Variants in ABTB3 observed in about 807,000 individuals in gnomAD.
ABTB3 encodes the protein ankyrin repeat and BTB domain containing 3.
chr12:107,323,826 T>G, the ABTB3 span, among the ~76,000 whole-genome samples: 3 of 152,198 alleles, frequency 2.0e-5, no homozygotes, highest in African/African-American at 7.2e-5. Flanking sequence ...CTCAGCACAG[T>G]GCCTGGCACT....
At chr12:107,479,337 G>A in the ABTB3 span, among the ~76,000 whole-genome samples, 6 of 151,766 alleles carry the variant, frequency 4.0e-5, no homozygotes, top group Non-Finnish European at 7.4e-5. Flanking sequence ...GGGCACGAGG[G>A]TCTTTGGTAC....
At chr12:107,494,204 G>A in the ABTB3 span, among the ~76,000 whole-genome samples, 3 of 152,196 alleles carry the variant, frequency 2.0e-5, no homozygotes, top group African/African-American at 4.8e-5. Context: ...TGGATCCTGA[G>A]TCTTGGTTGG....
the ABTB3 span, among the ~76,000 whole-genome samples, chr12:107,569,742 C>T: frequency 0.097 from 14,728 of 152,206 alleles, 812 homozygotes; most frequent in Middle Eastern, 0.12. Context: ...TGTCAGAAAA[C>T]GCAAATAGCT....
the ABTB3 span, among the ~76,000 whole-genome samples, chr12:107,590,591 G>A: frequency 1.3e-5 from 2 of 152,242 alleles, no homozygotes; most frequent in Non-Finnish European, 2.9e-5. Context: ...GTTCCAACAG[G>A]CTGGTGTGGG....
chr12:107,418,803 GT>G, the ABTB3 span, among the ~76,000 whole-genome samples: 1 of 152,300 alleles, frequency 6.6e-6, no homozygotes, highest in East Asian at 1.9e-4. Flanking sequence ...ATTTAGAGCA[GT>G]TTTCCAACCT....
the ABTB3 span, among the ~76,000 whole-genome samples, chr12:107,438,706 T>C: frequency 6.6e-6 from 1 of 152,226 alleles, no homozygotes; most frequent in African/African-American, 2.4e-5. Flanking sequence ...TCTCAGGTTC[T>C]TGGAGCCATT....
At chr12:107,638,690 T>C in the ABTB3 span, among the ~76,000 whole-genome samples, 1 of 152,222 alleles carries the variant, frequency 6.6e-6, no homozygotes, top group Admixed American at 6.5e-5. Context: ...TATTGAGGGA[T>C]ACTTATTTGT....
chr12:107,615,962 G>C, the ABTB3 span, among the ~76,000 whole-genome samples: 2 of 152,152 alleles, frequency 1.3e-5, no homozygotes, highest in South Asian at 4.1e-4. Flanking sequence ...ATTCCATGCA[G>C]AGCAGGGACA....
chr12:107,372,732 G>A, the ABTB3 span, among the ~76,000 whole-genome samples: 8 of 152,148 alleles, frequency 5.3e-5, no homozygotes, highest in Non-Finnish European at 8.8e-5. Flanking sequence ...CAAATGTCCC[G>A]TATGTCCCTG....
chr12:107,497,901 G>A, the ABTB3 span, among the ~76,000 whole-genome samples: 47,553 of 151,938 alleles, frequency 0.31, 9,946 homozygotes, highest in African/African-American at 0.59. Flanking sequence ...ATGTCAGGAC[G>A]TGGAGCCTGA....
chr12:107,341,024 T>C, the ABTB3 span, among the ~76,000 whole-genome samples: 1 of 152,112 alleles, frequency 6.6e-6, no homozygotes, highest in Admixed American at 6.5e-5. Flanking sequence ...TAATGCAGGC[T>C]GCGAACAGCG....
chr12:107,359,693 G>A, the ABTB3 span, among the ~76,000 whole-genome samples: 1 of 152,158 alleles, frequency 6.6e-6, no homozygotes, highest in East Asian at 1.9e-4. Context: ...CGCATCCCAT[G>A]TGCTGGGTGC....
the ABTB3 span, among the ~76,000 whole-genome samples, chr12:107,494,469 G>A: frequency 6.6e-6 from 1 of 152,126 alleles, no homozygotes; most frequent in African/African-American, 2.4e-5. Context: ...CAAAGGCCAG[G>A]GCTGTTTTGC....
At chr12:107,331,864 G>T in the ABTB3 span, among the ~76,000 whole-genome samples, 263 of 152,312 alleles carry the variant, frequency 1.7e-3, 4 homozygotes, top group African/African-American at 6.1e-3. Flanking sequence ...CGGCAGCCAT[G>T]GTGGATGGAG....
At chr12:107,592,234 C>A in the ABTB3 span, among the ~76,000 whole-genome samples, 1 of 152,152 alleles carries the variant, frequency 6.6e-6, no homozygotes, top group Non-Finnish European at 1.5e-5. Flanking sequence ...AATTTTATAC[C>A]AGTCAGATTG....
At chr12:107,399,313 C>T in the ABTB3 span, among the ~76,000 whole-genome samples, 3 of 152,236 alleles carry the variant, frequency 2.0e-5, no homozygotes, top group South Asian at 6.2e-4. Flanking sequence ...TTGCTAGGAT[C>T]GTGAACAAAG....
At chr12:107,528,771 G>T in the ABTB3 span, among the ~76,000 whole-genome samples, 1 of 152,182 alleles carries the variant, frequency 6.6e-6, no homozygotes, top group Non-Finnish European at 1.5e-5. Flanking sequence ...TGCTGCTGCC[G>T]TTGGTGATGA....
the ABTB3 span, among the ~76,000 whole-genome samples, chr12:107,425,887 G>C: frequency 1.3e-5 from 2 of 152,204 alleles, no homozygotes; most frequent in African/African-American, 2.4e-5. Flanking sequence ...CCACATTCTG[G>C]AGAAGGGGGA....
the ABTB3 span, among the ~76,000 whole-genome samples, chr12:107,526,919 T>A: frequency 2.0e-5 from 3 of 152,138 alleles, no homozygotes; most frequent in Non-Finnish European, 4.4e-5. Flanking sequence ...AGGGTATACC[T>A]GTAATCTTCT....
Sources: gnomAD v4.1 joint callset for allele counts (sites outside exome capture counted in the v4.1 genomes callset) on GRCh38, gnomAD v4.1.1 for gene constraint, MANE v1.5 for transcripts, NCBI Gene and HGNC (gene_info 2026-07-23, HGNC 2026-07-21) for gene names.